FAM20C: variants seen among roughly 807,000 people sequenced by gnomAD.
FAM20C encodes extracellular serine/threonine protein kinase FAM20C.
Under a neutral mutation model 51.5 loss-of-function variants are expected in FAM20C, and 40 were observed. The observed-to-expected ratio is 0.78, with a 90% CI of 0.60 to 1.01. FAM20C has a LOEUF of 1.01. Ranked by LOEUF, FAM20C falls within the 50% of genes least tolerant of loss-of-function variation. FAM20C has a pLI of 0.00. For missense variants in FAM20C, 861 were observed against 844.7 expected, an observed-to-expected ratio of 1.02 and a Z score of -0.24; for synonymous variants, 406 against 380.6, an observed-to-expected ratio of 1.07 and a Z score of -0.78.
At position 193,204 on chromosome 7, in the gene FAM20C, A is replaced by T; in HGVS notation, c.5A>T (p.Lys2Met). Residue 2 changes from lysine (K) to methionine (M), a missense_variant, in exon 1 of 10, where the codon AAG becomes ATG. Physicochemically the swap from Lys to Met is moderately conservative, Grantham distance 95. This residue lies in a region of FAM20C where 561 missense variants were observed against 499.8 expected (regional missense o/e 1.12). Transcript: ENST00000313766. MKMMLVRRFRVL... is the reference protein window; with the variant it reads MMMMLVRRFRVL... Reference sequence around the variant, plus strand: ...CCCGGGCCGGCCCGCGCGGCCATGAAGATGATGCTGGTGCGCCGGTTCCGC... The same window carrying T: ...CCCGGGCCGGCCCGCGCGGCCATGATGATGATGCTGGTGCGCCGGTTCCGC... 3 of 1,456,740 alleles carry T rather than the reference A, an allele frequency of 2.1e-6. No individual in the cohort carries two copies. Among genetic ancestry groups the T allele is most frequent in the Non-Finnish European group, 2.7e-6 (3 of 1,098,736 alleles). 90.2% of individuals were successfully genotyped at this position (1,456,740 alleles called of 1,614,324 possible). A position where few individuals can be genotyped will look rare whatever the true frequency, so the allele number is the denominator to read the frequency against.
At chr7:209,069 C>G (rs1786583171) in intron 3 of FAM20C, 93 bp downstream of exon 3, 2 of 1,320,926 alleles carry the variant, frequency 1.5e-6, no homozygotes, top group African/African-American at 2.9e-5. Flanking sequence ...GTGTCTCCTC[C>G]CAGGGTGTTT....
At chr7:231,739 G>A (rs946085020) in intron 3 of FAM20C, among the ~76,000 whole-genome samples, 2 of 152,212 alleles carry the variant, frequency 1.3e-5, no homozygotes, top group African/African-American at 4.8e-5. Flanking sequence ...GGTGTGTGCA[G>A]GCTTCCCAGC....
intron 3 of FAM20C, among the ~76,000 whole-genome samples, chr7:223,453 G>A (rs1017401207): frequency 6.6e-6 from 1 of 152,222 alleles, no homozygotes; most frequent in Non-Finnish European, 1.5e-5. Context: ...CTCGCTCTCC[G>A]GGGCTGTCCT....
chr7:254,221 G>A (rs898731281), intron 5 of FAM20C, among the ~76,000 whole-genome samples: 93 of 152,300 alleles, frequency 6.1e-4, no homozygotes, highest in African/African-American at 2.1e-3. Flanking sequence ...AAGGGCAGCC[G>A]GGACCGGCCA....
intron 3 of FAM20C, among the ~76,000 whole-genome samples, chr7:242,852 A>G (rs1787989287): frequency 6.6e-6 from 1 of 152,164 alleles, no homozygotes. Flanking sequence ...TGCCCACACC[A>G]AGGGGCAGGC....
At position 248,135 on chromosome 7, in the gene FAM20C, G is replaced by A. The variant is rs1337153457; in HGVS notation, c.957-180G>A. Among the ~76,000 whole-genome samples, 17 of 151,350 alleles carry A rather than the reference G, an allele frequency of 1.1e-4. 1 individual carries two copies. The highest frequency in any genetic ancestry group is 8.6e-4 in the Admixed American group (13 of 15,194). The stretch of plus-strand genomic sequence containing the variant: ...AGGGGCCTCTCCCACCCCCATCACC[G>A]TGGGGCCAGGCAGAGCCACCGGACC... On this transcript the variant is annotated intron_variant, in intron 4 of 9. Transcript: ENST00000313766.
chr7:249,029 T>A (rs1004777712), intron 5 of FAM20C, among the ~76,000 whole-genome samples: 1 of 147,376 alleles, frequency 6.8e-6, no homozygotes, highest in African/African-American at 2.5e-5. Context: ...TTAACCAATG[T>A]CCTTCTGTGC....
Position 216,672 on chromosome 7 carries a change from AGT to A in FAM20C, c.863+7704_863+7705del, listed in dbSNP as rs137869704. On this transcript the variant is annotated intron_variant, in intron 3 of 9. Coordinates refer to ENST00000313766, the MANE Select transcript of FAM20C (RefSeq NM_020223.4). ...GTGTGAGTGTGTGTGTGAGAGACAG[AGT>A]GTGTGTGAGAGTGTGTGTGTGTGTG... is the stretch of plus-strand genomic sequence containing the variant. Among the ~76,000 whole-genome samples, 96 of 104,772 alleles carry A rather than the reference AGT, an allele frequency of 9.2e-4. 1 individual carries two copies. The highest frequency in any genetic ancestry group is 4.0e-3 in the East Asian group (10 of 2,482). 68.7% of individuals were successfully genotyped at this position (104,772 alleles called of 152,430 possible).
At chr7:213,378 G>A (rs1341108993) in intron 3 of FAM20C, among the ~76,000 whole-genome samples, 1 of 152,030 alleles carries the variant, frequency 6.6e-6, no homozygotes, top group Non-Finnish European at 1.5e-5. Flanking sequence ...TGACATGGAG[G>A]GCTCTGGAGT....
At position 246,475 on chromosome 7, in the gene FAM20C, C is replaced by T. The variant is rs2115146043; in HGVS notation, c.924C>T (p.His308=). Residue 308 remains histidine, a synonymous_variant, in exon 4 of 10, where the codon CAC becomes CAT. Transcript: ENST00000313766. ...DFFYFSDYER[H]NAEIAAFHLD... ...TTTATTTCTCTGACTACGAGAGGCA[C>T]AATGCGGAGATTGCTGCCTTCCACC... is the stretch of plus-strand genomic sequence containing the variant. 14 of 1,288,500 alleles carry T rather than the reference C, an allele frequency of 1.1e-5. No homozygotes were observed. Among genetic ancestry groups the T allele is most frequent in the Non-Finnish European group, 1.4e-5 (14 of 1,002,032 alleles). 79.8% of individuals were successfully genotyped at this position (1,288,500 alleles called of 1,614,324 possible). A position where few individuals can be genotyped will look rare whatever the true frequency, so the allele number is the denominator to read the frequency against.
intron 3 of FAM20C, among the ~76,000 whole-genome samples, chr7:232,237 C>T (rs187362950): frequency 6.6e-6 from 1 of 152,246 alleles, no homozygotes; most frequent in African/African-American, 2.4e-5. Flanking sequence ...TCCCCATCCA[C>T]CTGGAGAGGG....
chr7:216,738 T>C (rs1787002750), intron 3 of FAM20C, among the ~76,000 whole-genome samples: 1 of 151,390 alleles, frequency 6.6e-6, no homozygotes, highest in African/African-American at 2.4e-5. Flanking sequence ...CGTCTACGTC[T>C]CCCAAAGAGA....
At position 233,804 on chromosome 7, in the gene FAM20C, C is replaced by T. The variant is rs1787771117; in HGVS notation, c.864-12611C>T. Among the ~76,000 whole-genome samples, 10 of 152,354 alleles carry T rather than the reference C, an allele frequency of 6.6e-5. 1 individual carries two copies. The South Asian group carries it at 1.9e-3, about 28-fold the overall frequency. On this transcript the variant is annotated intron_variant, in intron 3 of 9. Coordinates refer to ENST00000313766, the MANE Select transcript of FAM20C (RefSeq NM_020223.4). Reference sequence around the variant, plus strand: ...CAACTTTGGGGGACCGTTATTCTGCCAGCCACGAAAGGCCTGGGAGAGGTC... The same window carrying T: ...CAACTTTGGGGGACCGTTATTCTGCTAGCCACGAAAGGCCTGGGAGAGGTC...
rs572623468 is a variant in FAM20C, at chr7:255,784, G to A, written c.1073-65G>A. Reference sequence around the variant, plus strand: ...AGAGCCCGGCCCGGCCTTGGGGGCCGTGAGACCACAGGTGAGGACGCAGCC... The same window carrying A: ...AGAGCCCGGCCCGGCCTTGGGGGCCATGAGACCACAGGTGAGGACGCAGCC... On this transcript the variant is annotated intron_variant, in intron 5 of 9. Coordinates refer to ENST00000313766, the MANE Select transcript of FAM20C (RefSeq NM_020223.4). 633 of 1,519,742 alleles carry A rather than the reference G, an allele frequency of 4.2e-4. No homozygotes were observed. The African/African-American group carries it at 6.5e-3, about 16-fold the overall frequency. The allele number at this position is 1,519,742 out of a possible 1,614,324, so 94.1% of individuals were successfully genotyped here.
chr7:194,438 C>T (rs1392689191), intron 1 of FAM20C, among the ~76,000 whole-genome samples: 1 of 150,066 alleles, frequency 6.7e-6, no homozygotes, highest in Non-Finnish European at 1.5e-5. Context: ...CTCCGCCACA[C>T]AGATCAAAAC....
At chr7:220,856 G>C (rs1327317814) in intron 3 of FAM20C, among the ~76,000 whole-genome samples, 1 of 152,232 alleles carries the variant, frequency 6.6e-6, no homozygotes, top group African/African-American at 2.4e-5. Context: ...GCAAGGACAG[G>C]AGGCCTCCCA....
At chr7:254,296 G>A (rs1788511447) in intron 5 of FAM20C, among the ~76,000 whole-genome samples, 2 of 152,340 alleles carry the variant, frequency 1.3e-5, no homozygotes, top group Admixed American at 1.3e-4. Context: ...CGGGGAGCCT[G>A]CCCTGCAGCC....
In FAM20C at chr7:259,819, G is replaced by GA. The variant is rs1484552258; in HGVS notation, c.1595dup (p.Asp532GlufsTer41). The stretch of plus-strand genomic sequence containing the variant: ...GCTGATGGCCGAGTCTCTGCGGGGG[G>GA]ACCAGGTGGCACCCGTGCTGTACCA... On this transcript the variant is annotated frameshift_variant, in exon 10 of 10. Coordinates refer to ENST00000313766, the MANE Select transcript of FAM20C (RefSeq NM_020223.4). LOFTEE classifies it low-confidence loss of function (END_TRUNC). 6.5e-7 allele frequency: 1 copy of GA among 1,536,350 alleles called. No homozygotes were observed. Among genetic ancestry groups the GA allele is most frequent in the Non-Finnish European group, 8.7e-7 (1 of 1,146,900 alleles).
In FAM20C at chr7:251,373, C is replaced by G. The variant is rs1203021377; in HGVS notation, c.1072+2943C>G. Among the ~76,000 whole-genome samples, 5 of 152,168 alleles carry G rather than the reference C, an allele frequency of 3.3e-5. No individual in the cohort carries two copies. The South Asian group carries it at 1.0e-3, about 32-fold the overall frequency. On this transcript the variant is annotated intron_variant, in intron 5 of 9. Transcript: ENST00000313766. The stretch of plus-strand genomic sequence containing the variant: ...ATCTCTACAAAAAATGAAAAATTAG[C>G]CAGGTCTGGTGGCATGCATCTGTGA...
Sources: allele counts gnomAD v4.1 joint callset (sites outside exome capture counted in the v4.1 genomes callset), GRCh38; gene constraint gnomAD v4.1.1; regional missense constraint gnomAD v4.1.1; transcripts MANE v1.5; gene names NCBI Gene and HGNC (gene_info 2026-07-23, HGNC 2026-07-21).